Variants in XIRP2 observed in about 807,000 individuals in gnomAD.
XIRP2 encodes the protein xin actin binding repeat containing 2.
In XIRP2, 236 loss-of-function variants were observed where a neutral mutation model predicts 277.0. The observed-to-expected ratio is 0.85, with a 90% confidence interval of 0.77 to 0.95. The LOEUF is 0.95. Ranked by LOEUF, XIRP2 falls within the 40% of genes least tolerant of loss-of-function variation. XIRP2 has a pLI of 0.00. For synonymous variants in XIRP2, 1,490 were observed against 1,416.5 expected (o/e 1.05, Z -1.17); for missense variants, 4,640 against 4,157.5 (o/e 1.12, Z -3.19).
At chr2:166,953,027 T>G (rs1686074093) in intron 2 of XIRP2, among the ~76,000 whole-genome samples, 6 of 152,012 alleles carry the variant, frequency 3.9e-5, no homozygotes, top group Admixed American at 3.3e-4. Flanking sequence ...CTAAACATGA[T>G]TTTAAAGGAA....
intron 3 of XIRP2, among the ~76,000 whole-genome samples, chr2:167,205,139 C>T (rs905357499): frequency 6.6e-5 from 10 of 152,136 alleles, no homozygotes; most frequent in Non-Finnish European, 1.2e-4. Flanking sequence ...ACCTGCCTCA[C>T]TAACATACCC....
At chr2:166,978,255 C>T (rs79782574) in intron 2 of XIRP2, among the ~76,000 whole-genome samples, 10,383 of 152,202 alleles carry the variant, frequency 0.068, 436 homozygotes, top group Middle Eastern at 0.2. Flanking sequence ...ATTCATGTCA[C>T]TACCACTGTC....
At chr2:167,172,146 G>A (rs1692712672) in intron 3 of XIRP2, among the ~76,000 whole-genome samples, 3 of 152,112 alleles carry the variant, frequency 2.0e-5, no homozygotes. Context: ...TTTTAAAGCT[G>A]GGTGTCCAGG....
intron 1 of XIRP2, 137 bp downstream of exon 1, chr2:166,888,694 T>C (rs759345554): frequency 1.3e-4 from 20 of 152,324 alleles, no homozygotes; most frequent in Non-Finnish European, 2.8e-4. Flanking sequence ...TAAATTAGCA[T>C]AGAATCACAG....
chr2:167,255,903 G>C (rs2105455382), intron 10 of XIRP2, among the ~76,000 whole-genome samples: 1 of 151,630 alleles, frequency 6.6e-6, no homozygotes, highest in African/African-American at 2.4e-5. Context: ...TAAAATCTTT[G>C]GCTTATACTT....
intron 2 of XIRP2, among the ~76,000 whole-genome samples, chr2:166,925,444 T>A (rs1055539222): frequency 6.6e-6 from 1 of 151,692 alleles, no homozygotes; most frequent in African/African-American, 2.4e-5. Flanking sequence ...GTTTAATTTC[T>A]CATCTATTAT....
chr2:167,045,092 T>C (rs1372711689), intron 2 of XIRP2, among the ~76,000 whole-genome samples: 3 of 151,912 alleles, frequency 2.0e-5, no homozygotes, highest in Admixed American at 1.3e-4. Flanking sequence ...GCTAGAAATA[T>C]AGCTGCACAC....
intron 3 of XIRP2, among the ~76,000 whole-genome samples, chr2:167,176,271 C>A (rs1259016255): frequency 6.6e-6 from 1 of 152,102 alleles, no homozygotes; most frequent in African/African-American, 2.4e-5. Context: ...AGTTCTTGAC[C>A]CCTTACACTT....
At chr2:167,091,148 C>T (rs544279720) in intron 2 of XIRP2, among the ~76,000 whole-genome samples, 1 of 152,148 alleles carries the variant, frequency 6.6e-6, no homozygotes, top group Non-Finnish European at 1.5e-5. Flanking sequence ...TTGTCATTGA[C>T]TTTTAGTCAT....
In XIRP2 at chr2:166,894,970, C is replaced by T. The variant is rs114723510; in HGVS notation, c.-19+6413C>T. Among the ~76,000 whole-genome samples the T allele has an allele frequency of 5.2e-3, 794 of 152,132 alleles. 8 individuals are homozygous for T. Among genetic ancestry groups the T allele is most frequent in the African/African-American group, 0.018 (760 of 41,512 alleles). On this transcript the variant is annotated intron_variant, in intron 1 of 10. Coordinates refer to ENST00000409195, the MANE Select transcript of XIRP2 (RefSeq NM_152381.6). Reference sequence around the variant, plus strand: ...AGAACAGAAGGATAAATAACGGATACCAGCAGAACAGGAGAGAGAAGAGTA... The same window carrying T: ...AGAACAGAAGGATAAATAACGGATATCAGCAGAACAGGAGAGAGAAGAGTA...
At chr2:166,959,566 A>G (rs905026761) in intron 2 of XIRP2, among the ~76,000 whole-genome samples, 5 of 151,812 alleles carry the variant, frequency 3.3e-5, no homozygotes, top group African/African-American at 1.2e-4. Context: ...GTATATAGGC[A>G]ACCATTATGA....
chr2:167,192,555 T>C (rs1162583662), intron 3 of XIRP2, among the ~76,000 whole-genome samples: 1 of 152,236 alleles, frequency 6.6e-6, no homozygotes, highest in African/African-American at 2.4e-5. Flanking sequence ...TTGGAGTTTT[T>C]TAATCTGGAC....
intron 2 of XIRP2, among the ~76,000 whole-genome samples, chr2:167,105,503 T>C (rs1574259553): frequency 6.6e-6 from 1 of 151,962 alleles, no homozygotes; most frequent in African/African-American, 2.4e-5. Context: ...TTTTTATTGC[T>C]GTATAGTATT....
intron 5 of XIRP2, among the ~76,000 whole-genome samples, chr2:167,218,835 A>G (rs1157685629): frequency 1.3e-5 from 2 of 152,272 alleles, no homozygotes; most frequent in South Asian, 2.1e-4. Context: ...TTCCCATTTC[A>G]TTGATTTCAT....
At chr2:167,210,930 G>A (rs2105389558) in intron 4 of XIRP2, 35 bp downstream of exon 4, 1 of 1,610,632 alleles carries the variant, frequency 6.2e-7, no homozygotes, top group East Asian at 2.2e-5. Context: ...ACTAGGCAAT[G>A]TGCTTACTGT....
chr2:166,973,922 A>G (rs1207432954), intron 2 of XIRP2, among the ~76,000 whole-genome samples: 1 of 152,294 alleles, frequency 6.6e-6, no homozygotes, highest in Non-Finnish European at 1.5e-5. Flanking sequence ...AAGTCGCACA[A>G]TGTTATAAAA....
chr2:167,026,061 A>T lies in XIRP2; in HGVS notation c.409-109848A>T, dbSNP rs1688148197. Among the ~76,000 whole-genome samples the T allele has an allele frequency of 1.3e-5, 2 of 152,112 alleles. 1 individual carries two copies. Among genetic ancestry groups the T allele is most frequent in the South Asian group, 4.2e-4 (2 of 4,816 alleles). ...TCTAATGTTGAGTGTGGGGTGTTAA[A>T]GTCTCCCATTATTATTGTGTGGGAG... On this transcript the variant is annotated intron_variant, in intron 2 of 10. Coordinates refer to ENST00000409195, the MANE Select transcript of XIRP2 (RefSeq NM_152381.6).
chr2:166,979,923 T>C (rs920728834), intron 2 of XIRP2, among the ~76,000 whole-genome samples: 14 of 152,138 alleles, frequency 9.2e-5, no homozygotes, highest in Non-Finnish European at 1.9e-4. Context: ...CTTCTATCTC[T>C]GGAAGAGTTG....
In XIRP2 at chr2:167,249,380, C is replaced by G. The variant is rs374145089; in HGVS notation, c.7988C>G (p.Ser2663Ter). Reference sequence around the variant, plus strand: ...ATGAAAAAGGAAGTTTTACAAAGCTCAAGGGACATTATGCAATCCAAATCA... The same window carrying G: ...ATGAAAAAGGAAGTTTTACAAAGCTGAAGGGACATTATGCAATCCAAATCA... ...DKMKKEVLQSSRDIMQSKSAC... is the reference protein window; with the variant it reads ...DKMKKEVLQS The change falls in exon 9 of 11, where the codon TCA (serine) becomes TGA (stop). Residue 2663 changes from serine to a stop codon, truncating the protein, a stop_gained. Coordinates refer to ENST00000409195, the MANE Select transcript of XIRP2 (RefSeq NM_152381.6). LOFTEE classifies it high-confidence loss of function. The G allele has an allele frequency of 2.4e-5, 39 of 1,613,546 alleles. No individual in the cohort carries two copies. The highest frequency in any genetic ancestry group is 3.1e-5 in the Non-Finnish European group (37 of 1,179,794).
Sources: allele counts gnomAD v4.1 joint callset (sites outside exome capture counted in the v4.1 genomes callset), GRCh38; gene constraint gnomAD v4.1.1; transcripts MANE v1.5; gene names NCBI Gene and HGNC (gene_info 2026-07-23, HGNC 2026-07-21).